The following OPCML variants were observed in gnomAD, a reference collection of about 807,000 sequenced individuals.
OPCML encodes opioid binding protein/cell adhesion molecule like.
OPCML carries 13 observed loss-of-function variants against 37.8 expected under a neutral mutation model. That is an observed-to-expected ratio of 0.34 (90% CI 0.22 to 0.55). The LOEUF (loss-of-function observed/expected upper bound fraction) is 0.55. OPCML is among the 20% of genes least tolerant of loss of function. OPCML has a pLI of 0.91. For synonymous variants in OPCML, 176 were observed against 168.8 expected (o/e 1.04, Z -0.33); for missense variants, 341 against 435.6 (o/e 0.78, Z 1.93).
intron 3 of OPCML, among the ~76,000 whole-genome samples, chr11:132,608,008 T>C (rs949893917): frequency 1.3e-5 from 2 of 152,154 alleles, no homozygotes; most frequent in Non-Finnish European, 2.9e-5. Flanking sequence ...AGGAAAATAA[T>C]TTGAATGTTT....
At chr11:132,859,095 C>A (rs1478001409) in intron 2 of OPCML, 2 of 152,062 alleles carry the variant, frequency 1.3e-5, no homozygotes, top group Non-Finnish European at 2.9e-5. Context: ...TGCTTGGAAC[C>A]ACAGTTTAAA....
intron 3 of OPCML, among the ~76,000 whole-genome samples, chr11:132,551,159 G>A (rs2096380656): frequency 6.6e-6 from 1 of 152,150 alleles, no homozygotes; most frequent in Admixed American, 6.6e-5. Context: ...TCAGAACCAA[G>A]GGCCACCCCA....
chr11:133,504,118 G>A (rs1161632580), intron 1 of OPCML, among the ~76,000 whole-genome samples: 1 of 152,136 alleles, frequency 6.6e-6, no homozygotes, highest in Non-Finnish European at 1.5e-5. Context: ...GAACTCATCT[G>A]CCACCTAACC....
chr11:132,993,816 A>AC (rs560967596), intron 1 of OPCML, among the ~76,000 whole-genome samples: 15 of 151,660 alleles, frequency 9.9e-5, no homozygotes, highest in South Asian at 4.2e-4. Context: ...ACTGACAACT[A>AC]CCCCCCCACC....
chr11:132,950,138 C>A (rs117292754), intron 1 of OPCML, among the ~76,000 whole-genome samples: 1 of 152,128 alleles, frequency 6.6e-6, no homozygotes, highest in Non-Finnish European at 1.5e-5. Flanking sequence ...AAGGGCAGTG[C>A]GATAACGTTG....
intron 7 of OPCML, among the ~76,000 whole-genome samples, chr11:132,435,783 GT>G (rs1429500780): frequency 6.6e-6 from 1 of 152,198 alleles, no homozygotes; most frequent in Non-Finnish European, 1.5e-5. Context: ...AAATTACACA[GT>G]TGAATTGACC....
intron 1 of OPCML, among the ~76,000 whole-genome samples, chr11:133,334,332 C>T (rs1317996318): frequency 1.3e-5 from 2 of 152,156 alleles, no homozygotes; most frequent in African/African-American, 4.8e-5. Context: ...AGAACAAGAT[C>T]ATGTCTTTTG....
chr11:133,013,489 T>G, intron 1 of OPCML, among the ~76,000 whole-genome samples: 1 of 152,226 alleles, frequency 6.6e-6, no homozygotes, highest in East Asian at 1.9e-4. Flanking sequence ...TTAAGGATGA[T>G]AAAGATAATT....
intron 2 of OPCML, among the ~76,000 whole-genome samples, chr11:132,929,974 T>C (rs1299023852): frequency 6.6e-6 from 1 of 152,190 alleles, no homozygotes; most frequent in Admixed American, 6.5e-5. Flanking sequence ...TGAGAAAAGA[T>C]GGAAAGTTTT....
chr11:133,005,484 G>A lies in OPCML; in HGVS notation c.62-62474C>T, dbSNP rs913634311. ...GGTACTAGTTTTTCTCTGTAGGGAG[G>A]TAGGGCAGGTCATATTTGGTAGAGT... On this transcript the variant is annotated intron_variant, in intron 1 of 7. Coordinates refer to ENST00000524381, the MANE Select transcript of OPCML (RefSeq NM_001012393.5). The A allele has an allele frequency of 7.1e-6, 7 of 985,228 alleles. 1 individual carries two copies. The East Asian group carries it at 4.5e-4, about 64-fold the overall frequency. 61.0% of individuals were successfully genotyped at this position (985,228 alleles called of 1,614,324 possible).
At chr11:132,936,783 G>A (rs754447101) in intron 2 of OPCML, among the ~76,000 whole-genome samples, 12 of 152,110 alleles carry the variant, frequency 7.9e-5, no homozygotes, top group Admixed American at 2.0e-4. Context: ...GAGACAACAA[G>A]GGCCTGAGAA....
chr11:133,008,164 A>C (rs1186189813), intron 1 of OPCML: 11 of 985,324 alleles, frequency 1.1e-5, no homozygotes, highest in Admixed American at 6.1e-5. Flanking sequence ...AAATAACATC[A>C]GTGACCAAGA....
At chr11:132,803,586 G>C (rs1218039587) in intron 2 of OPCML, among the ~76,000 whole-genome samples, 1 of 152,186 alleles carries the variant, frequency 6.6e-6, no homozygotes, top group Non-Finnish European at 1.5e-5. Flanking sequence ...AACTCACTAT[G>C]ATTCAACTTG....
intron 1 of OPCML, among the ~76,000 whole-genome samples, chr11:133,339,605 C>A (rs953298090): frequency 1.3e-5 from 2 of 152,210 alleles, no homozygotes; most frequent in African/African-American, 4.8e-5. Context: ...CCTTCCCCTT[C>A]TTTGAATCTT....
At chr11:132,475,705 T>C (rs2096152931) in intron 4 of OPCML, among the ~76,000 whole-genome samples, 1 of 152,154 alleles carries the variant, frequency 6.6e-6, no homozygotes, top group Admixed American at 6.5e-5. Context: ...AAAAAAAATA[T>C]TTCTGTTGTT....
intron 2 of OPCML, among the ~76,000 whole-genome samples, chr11:132,824,542 T>G (rs1368108989): frequency 6.6e-6 from 1 of 152,140 alleles, no homozygotes; most frequent in Non-Finnish European, 1.5e-5. Flanking sequence ...TATATACACT[T>G]TGTCTCCACT....
At chr11:132,425,793 A>G (rs1034999680) in intron 7 of OPCML, among the ~76,000 whole-genome samples, 2 of 152,226 alleles carry the variant, frequency 1.3e-5, no homozygotes, top group Non-Finnish European at 2.9e-5. Flanking sequence ...TGCTAACCAC[A>G]GGTAAAATCT....
intron 3 of OPCML, among the ~76,000 whole-genome samples, chr11:132,563,479 G>A (rs2096415138): frequency 6.6e-6 from 1 of 151,758 alleles, no homozygotes; most frequent in Non-Finnish European, 1.5e-5. Context: ...TCATTCATGG[G>A]AATGGGCTTT....
chr11:133,295,865 TCA>T (rs1230982216), intron 1 of OPCML, among the ~76,000 whole-genome samples: 3 of 152,252 alleles, frequency 2.0e-5, no homozygotes, highest in African/African-American at 7.2e-5. Context: ...CATTTGCAAA[TCA>T]CAGTCAATAG....
Sources: allele counts gnomAD v4.1 joint callset (sites outside exome capture counted in the v4.1 genomes callset), GRCh38; gene constraint gnomAD v4.1.1; transcripts MANE v1.5; gene names NCBI Gene and HGNC (gene_info 2026-07-23, HGNC 2026-07-21).